The following CHRM3 variants were observed in gnomAD, a reference collection of about 807,000 sequenced individuals.
CHRM3 encodes the protein muscarinic acetylcholine receptor M3.
In CHRM3, 11 loss-of-function variants were observed where a neutral mutation model predicts 41.8. That is an observed-to-expected ratio of 0.26 (90% confidence interval 0.17 to 0.44). The LOEUF (loss-of-function observed/expected upper bound fraction) is 0.44, where lower values mean the gene tolerates loss of function less well. Among genes scored for constraint, CHRM3 ranks in the 20% least tolerant of loss-of-function variants. CHRM3 has a pLI of 1.00. For synonymous variants in CHRM3, 297 were observed against 301.4 expected, an observed-to-expected ratio of 0.99 and a Z score of 0.15; for missense variants, 571 against 745.4, an observed-to-expected ratio of 0.77 and a Z score of 2.72.
At chr1:239,510,878 G>A (rs1668875409) in intron 2 of CHRM3, among the ~76,000 whole-genome samples, 1 of 150,696 alleles carries the variant, frequency 6.6e-6, no homozygotes, top group Admixed American at 6.7e-5. Context: ...GTCTGAATAT[G>A]GTTTTGTCCT....
At chr1:239,409,543 G>T (rs559243469) in intron 1 of CHRM3, among the ~76,000 whole-genome samples, 1 of 152,262 alleles carries the variant, frequency 6.6e-6, no homozygotes, top group South Asian at 2.1e-4. Flanking sequence ...AATAGAATCA[G>T]AAAACAATGC....
rs967450770 is a variant in CHRM3, at chr1:239,911,190, T to G, written c.*1966T>G. 6.0e-6 allele frequency: 1 copy of G among 167,026 alleles called. No homozygotes were observed. The highest frequency in any genetic ancestry group is 2.4e-5 in the African/African-American group (1 of 41,420). The allele number at this position is 167,026 out of a possible 1,614,324, so 10.3% of individuals were successfully genotyped here. On this transcript the variant is annotated 3_prime_UTR_variant, in exon 7 of 7. Transcript: ENST00000676153. ...CAACGTAAATGTTTAAAACCACTCT[T>G]TAGTTAAATCTGATGGGAACTGAAC...
intron 5 of CHRM3, among the ~76,000 whole-genome samples, chr1:239,679,581 G>A (rs2149092682): frequency 6.6e-6 from 1 of 152,228 alleles, no homozygotes; most frequent in Admixed American, 6.5e-5. Flanking sequence ...TAACAGATGT[G>A]TTTCTAAGGT....
At chr1:239,503,559 T>A (rs980464321) in intron 2 of CHRM3, among the ~76,000 whole-genome samples, 5 of 151,534 alleles carry the variant, frequency 3.3e-5, no homozygotes, top group Admixed American at 1.3e-4. Context: ...GAAAAAAAAA[T>A]TCTAAAAATA....
intron 2 of CHRM3, among the ~76,000 whole-genome samples, chr1:239,537,673 T>C (rs1034883214): frequency 1.3e-5 from 2 of 152,212 alleles, no homozygotes; most frequent in Non-Finnish European, 2.9e-5. Flanking sequence ...GAATGTTTAG[T>C]TGAATAGCTC....
intron 3 of CHRM3, among the ~76,000 whole-genome samples, chr1:239,576,594 G>GCACACACACA (rs3063538): frequency 7.1e-6 from 1 of 141,682 alleles, no homozygotes; most frequent in Non-Finnish European, 1.5e-5. Flanking sequence ...ACACACACAC[G>GCACACACACA]CACACACACA....
Position 239,586,710 on chromosome 1 carries a change from C to G in CHRM3, c.-313+40961C>G, listed in dbSNP as rs1391847128. Among the ~76,000 whole-genome samples, 4 of 151,750 alleles carry G rather than the reference C, an allele frequency of 2.6e-5. No homozygotes were observed. The East Asian group carries it at 5.8e-4, about 22-fold the overall frequency. ...GTGGGGAAATTATAATTTTGACACT[C>G]AGGCAAAAAAAAGTGCTATAAGACT... On this transcript the variant is annotated intron_variant, in intron 3 of 6. Transcript: ENST00000676153.
chr1:239,673,150 G>A (rs1261700960), intron 4 of CHRM3, among the ~76,000 whole-genome samples: 1 of 152,130 alleles, frequency 6.6e-6, no homozygotes, highest in African/African-American at 2.4e-5. Context: ...GCCATGGCCT[G>A]ATGCCTTCAA....
chr1:239,390,334 T>C (rs1272520200), intron 1 of CHRM3, among the ~76,000 whole-genome samples: 1 of 152,316 alleles, frequency 6.6e-6, no homozygotes. Context: ...TTACTAGCCT[T>C]TCAGAACTTT....
At chr1:239,497,900 A>G (rs1245880777) in intron 2 of CHRM3, among the ~76,000 whole-genome samples, 1 of 152,226 alleles carries the variant, frequency 6.6e-6, no homozygotes, top group Non-Finnish European at 1.5e-5. Flanking sequence ...GTGTCTCAGC[A>G]TATGAACCAG....
intron 1 of CHRM3, among the ~76,000 whole-genome samples, chr1:239,404,426 GAAA>G (rs1558195902): frequency 5.7e-5 from 6 of 104,836 alleles, no homozygotes; most frequent in African/African-American, 1.9e-4. Flanking sequence ...AAGAAAGAAA[GAAA>G]GAAAGAAAGA....
intron 4 of CHRM3, among the ~76,000 whole-genome samples, chr1:239,644,647 G>T (rs1262804154): frequency 6.6e-6 from 1 of 152,198 alleles, no homozygotes; most frequent in Non-Finnish European, 1.5e-5. Context: ...GGGTTGTGAT[G>T]AGAGAGATGA....
At chr1:239,451,578 T>C (rs1572350687) in intron 1 of CHRM3, among the ~76,000 whole-genome samples, 1 of 152,184 alleles carries the variant, frequency 6.6e-6, no homozygotes, top group Non-Finnish European at 1.5e-5. Context: ...ATTGGACATA[T>C]TCACACATGT....
In CHRM3 at chr1:239,907,496, C is replaced by T. The variant is rs762047832; in HGVS notation, c.45C>T (p.Asn15=). ...GTACAACCTCGCCTTTGTTTCCAAA[C>T]ATCAGCTCCTCCTGGATACACAGCC... ...NNSTTSPLFP[N]ISSSWIHSPS... The change falls in exon 7 of 7, where the codon AAC becomes AAT. Residue 15 remains asparagine, a synonymous_variant. Transcript: ENST00000676153. This position sits in a 1 kb window ranked among gnomAD's most constrained non-coding sequence, Gnocchi z 5.4. 4.3e-6 allele frequency: 7 copies of T among 1,614,186 alleles called. No individual in the cohort carries two copies. The Admixed American group carries it at 5.0e-5, about 12-fold the overall frequency.
intron 6 of CHRM3, among the ~76,000 whole-genome samples, chr1:239,828,299 C>T (rs916891852): frequency 7.2e-5 from 11 of 151,990 alleles, no homozygotes; most frequent in African/African-American, 1.4e-4. Flanking sequence ...GACACATGCA[C>T]ATAAATATAC....
At chr1:239,639,473 C>G (rs1670858894) in intron 4 of CHRM3, among the ~76,000 whole-genome samples, 1 of 152,128 alleles carries the variant, frequency 6.6e-6, no homozygotes, top group Admixed American at 6.6e-5. Context: ...TTGAAGAGGT[C>G]CTTCACATCC....
At chr1:239,689,046 A>T (rs574221173) in intron 5 of CHRM3, among the ~76,000 whole-genome samples, 15 of 151,440 alleles carry the variant, frequency 9.9e-5, no homozygotes, top group African/African-American at 3.6e-4. Flanking sequence ...TGATTAAGTC[A>T]TAATTAAAGA....
chr1:239,795,407 G>A (rs1669688199), intron 5 of CHRM3, among the ~76,000 whole-genome samples: 1 of 152,212 alleles, frequency 6.6e-6, no homozygotes, highest in African/African-American at 2.4e-5. Context: ...CATTGAGAGT[G>A]ACTTGGACAA....
chr1:239,670,174 C>G (rs939421101), intron 4 of CHRM3, among the ~76,000 whole-genome samples: 3 of 152,098 alleles, frequency 2.0e-5, no homozygotes, highest in African/African-American at 7.2e-5. Flanking sequence ...ATGTTGCTAC[C>G]ACTAAATCAA....
Sources: gnomAD v4.1 joint callset for allele counts (sites outside exome capture counted in the v4.1 genomes callset) on GRCh38, gnomAD v4.1.1 for gene constraint, Gnocchi (gnomAD v3.1) non-coding constraint, MANE v1.5 for transcripts, NCBI Gene and HGNC (gene_info 2026-07-23, HGNC 2026-07-21) for gene names.